Variants in NRXN3 observed in about 807,000 individuals in gnomAD.
The protein encoded by NRXN3 is neurexin III.
Under a neutral mutation model 137.6 loss-of-function variants are expected in NRXN3, and 32 were observed. That is an observed-to-expected ratio of 0.23 (90% confidence interval 0.18 to 0.31). The LOEUF (loss-of-function observed/expected upper bound fraction) is 0.31. NRXN3 is among the 10% of genes least tolerant of loss of function. The pLI, the probability that NRXN3 is intolerant of heterozygous loss-of-function variation, is 1.00. For synonymous variants in NRXN3, 798 were observed against 784.5 expected (o/e 1.02, Z -0.29); for missense variants, 1,574 against 2,062.5 (o/e 0.76, Z 4.59).
chr14:78,391,450 T>C (rs1376049791), intron 4 of NRXN3, among the ~76,000 whole-genome samples: 1 of 152,172 alleles, frequency 6.6e-6, no homozygotes, highest in Non-Finnish European at 1.5e-5. Flanking sequence ...TGGATAACCA[T>C]ATCTCTCTAA....
intron 15 of NRXN3, among the ~76,000 whole-genome samples, chr14:79,390,599 A>G (rs973541547): frequency 6.6e-6 from 1 of 152,120 alleles, no homozygotes; most frequent in East Asian, 1.9e-4. Context: ...CTTATAAGAA[A>G]CTGTCCTTCT....
intron 4 of NRXN3, among the ~76,000 whole-genome samples, chr14:78,442,902 CT>C (rs2094304483): frequency 6.6e-6 from 1 of 152,162 alleles, no homozygotes; most frequent in African/African-American, 2.4e-5. Context: ...TTACAGATTA[CT>C]CTGACTTACC....
intron 4 of NRXN3, among the ~76,000 whole-genome samples, chr14:78,423,412 G>A (rs1363360002): frequency 6.6e-6 from 1 of 152,146 alleles, no homozygotes; most frequent in Non-Finnish European, 1.5e-5. Flanking sequence ...CCTGCTAGGA[G>A]CGCTTATACC....
At position 79,545,008 on chromosome 14, in the gene NRXN3, T is replaced by C. The variant is rs75774430; in HGVS notation, c.3444+77606T>C. Among the ~76,000 whole-genome samples the C allele has an allele frequency of 1.9e-3, 282 of 152,344 alleles. 2 individuals are homozygous for C. Among genetic ancestry groups the C allele is most frequent in the African/African-American group, 6.4e-3 (267 of 41,594 alleles). On this transcript the variant is annotated intron_variant, in intron 16 of 20. Transcript: ENST00000335750. The stretch of plus-strand genomic sequence containing the variant: ...ACAAGTAAGTCTTACCAGTGAGCTA[T>C]AGTAGAGATAACCAAGATAGCATGT...
rs1316324499 is a variant in NRXN3 at position 79,565,267 on chromosome 14, G to GTGTGTGTATATATACATATACACA, written c.3444+97872_3444+97873insATATATACATATACACATGTGTGT. 7.9e-4 allele frequency among the ~76,000 whole-genome samples: 8 copies of GTGTGTGTATATATACATATACACA among 10,128 alleles called. No homozygotes were observed. The East Asian group carries it at 0.12, about 158-fold the overall frequency. The allele number at this position is 10,128 out of a possible 152,430, so 6.6% of individuals were successfully genotyped here. On this transcript the variant is annotated intron_variant, in intron 16 of 20. Coordinates refer to ENST00000335750, the MANE Select transcript of NRXN3 (RefSeq NM_001330195.2). ...TGTGTGTATATATACATATACACAT[G>GTGTGTGTATATATACATATACACA]TGTGTGTGTATACATATACGCACAC...
chr14:79,701,514 A>G (rs960139992), intron 19 of NRXN3, among the ~76,000 whole-genome samples: 3 of 151,836 alleles, frequency 2.0e-5, no homozygotes, highest in Admixed American at 6.6e-5. Context: ...TTCCCTCTCT[A>G]TGTATTCTCT....
At chr14:78,257,532 CTT>C (rs1167247539) in intron 2 of NRXN3, among the ~76,000 whole-genome samples, 1 of 152,210 alleles carries the variant, frequency 6.6e-6, no homozygotes, top group Non-Finnish European at 1.5e-5. Flanking sequence ...TTGGAGGAAA[CTT>C]TGCAGAGCAA....
intron 17 of NRXN3, among the ~76,000 whole-genome samples, chr14:79,668,321 A>G (rs1280401005): frequency 1.3e-5 from 2 of 152,098 alleles, no homozygotes; most frequent in African/African-American, 2.4e-5. Context: ...GTACTTATTG[A>G]TGACCAAAAT....
intron 6 of NRXN3, among the ~76,000 whole-genome samples, chr14:78,683,939 AC>A (rs2098101689): frequency 6.6e-6 from 1 of 152,246 alleles, no homozygotes; most frequent in Non-Finnish European, 1.5e-5. Flanking sequence ...CATCTTAATC[AC>A]ACCAGCAGTA....
rs924050058 is a variant in NRXN3 at position 79,806,818 on chromosome 14, G to A, written c.4093+1628G>A. Among the ~76,000 whole-genome samples the A allele has an allele frequency of 2.7e-5, 4 of 149,354 alleles. No individual in the cohort carries two copies. The East Asian group carries it at 7.9e-4, about 29-fold the overall frequency. On this transcript the variant is annotated intron_variant, in intron 20 of 20. Transcript: ENST00000335750. Reference sequence around the variant, plus strand: ...CAACAGATATTTTTGAGAGTCAACTGTATATGTTAAGCATGTGCTAGATAT... The same window carrying A: ...CAACAGATATTTTTGAGAGTCAACTATATATGTTAAGCATGTGCTAGATAT...
intron 15 of NRXN3, among the ~76,000 whole-genome samples, chr14:79,024,708 G>T (rs924121948): frequency 6.6e-6 from 1 of 152,200 alleles, no homozygotes; most frequent in East Asian, 1.9e-4. Context: ...GTATAATATT[G>T]TGATTATCTC....
chr14:78,469,383 A>G (rs76917837), intron 4 of NRXN3, among the ~76,000 whole-genome samples: 2 of 152,306 alleles, frequency 1.3e-5, no homozygotes, highest in African/African-American at 4.8e-5. Flanking sequence ...CTGTCTGGAT[A>G]TATGTGATGT....
chr14:79,238,829 C>T (rs1360639416), intron 15 of NRXN3, among the ~76,000 whole-genome samples: 1 of 152,006 alleles, frequency 6.6e-6, no homozygotes, highest in Non-Finnish European at 1.5e-5. Context: ...CTCCAGGAGC[C>T]CCTAGCAACA....
intron 16 of NRXN3, among the ~76,000 whole-genome samples, chr14:79,528,277 G>A (rs1205626399): frequency 1.3e-5 from 2 of 152,142 alleles, no homozygotes; most frequent in African/African-American, 4.8e-5. Context: ...AGCTGTACTT[G>A]ATAACAGTTG....
At chr14:79,466,448 C>T (rs1294755057) in intron 15 of NRXN3, among the ~76,000 whole-genome samples, 5 of 151,872 alleles carry the variant, frequency 3.3e-5, no homozygotes, top group East Asian at 1.9e-4. Flanking sequence ...ATTAGCCGGG[C>T]GTGGTGGCAC....
At chr14:79,372,723 T>G (rs1048035673) in intron 15 of NRXN3, among the ~76,000 whole-genome samples, 1 of 152,130 alleles carries the variant, frequency 6.6e-6, no homozygotes, top group African/African-American at 2.4e-5. Flanking sequence ...GATTTTAATA[T>G]TAGCTTAAAT....
chr14:78,987,998 T>TC (rs771425675), intron 14 of NRXN3, 24 bp from the exon 15 acceptor site: 9 of 1,593,324 alleles, frequency 5.6e-6, no homozygotes, highest in South Asian at 4.6e-5. Flanking sequence ...TTTCTTTTTT[T>TC]CCCCTCTTCT....
intron 8 of NRXN3, among the ~76,000 whole-genome samples, chr14:78,738,183 C>T (rs138135345): frequency 1.3e-5 from 2 of 152,248 alleles, no homozygotes; most frequent in African/African-American, 2.4e-5. Flanking sequence ...TTCACGTCTT[C>T]GTTCATTTAT....
At position 79,854,233 on chromosome 14, in the gene NRXN3, A is replaced by G. The variant is rs570447000; in HGVS notation, c.4094-7109A>G. 5.4e-3 allele frequency: 4,373 copies of G among 802,924 alleles called. 19 individuals carry two copies. The highest frequency in any genetic ancestry group is 6.2e-3 in the Non-Finnish European group (4,096 of 663,022). The allele number at this position is 802,924 out of a possible 1,614,324, so 49.7% of individuals were successfully genotyped here. A position where few individuals can be genotyped will look rare whatever the true frequency, so the allele number is the denominator to read the frequency against. On this transcript the variant is annotated intron_variant, in intron 20 of 20. Coordinates refer to ENST00000335750, the MANE Select transcript of NRXN3 (RefSeq NM_001330195.2). Reference sequence around the variant, plus strand: ...ATTTGTTGATGTAAGTTGACTATAAATTAATATGGTATGCTTTTTTAGTTT... The same window carrying G: ...ATTTGTTGATGTAAGTTGACTATAAGTTAATATGGTATGCTTTTTTAGTTT...
Sources: gnomAD v4.1 joint callset for allele counts (sites outside exome capture counted in the v4.1 genomes callset) on GRCh38, gnomAD v4.1.1 for gene constraint, MANE v1.5 for transcripts, NCBI Gene and HGNC (gene_info 2026-07-23, HGNC 2026-07-21) for gene names.